TLE4: variants seen among roughly 807,000 people sequenced by gnomAD.
TLE4 encodes TLE family member 4, transcriptional corepressor, also known as transducin-like enhancer protein 4.
In TLE4, 8 loss-of-function variants were observed where a neutral mutation model predicts 92.8. The ratio of observed to expected loss-of-function variants is 0.09; its 90% CI spans 0.05 to 0.16. TLE4 has a LOEUF of 0.16. Ranked by LOEUF, TLE4 falls within the 10% of genes least tolerant of loss-of-function variation. The pLI, the probability that TLE4 is intolerant of heterozygous loss-of-function variation, is 1.00. For missense variants in TLE4, 675 were observed against 997.6 expected, an observed-to-expected ratio of 0.68 and a Z score of 4.36; for synonymous variants, 371 against 374.1, an observed-to-expected ratio of 0.99 and a Z score of 0.10.
At chr9:79,717,390 A>G (rs2074720078) in intron 14 of TLE4, among the ~76,000 whole-genome samples, 2 of 152,142 alleles carry the variant, frequency 1.3e-5, no homozygotes, top group South Asian at 4.1e-4. Context: ...GATTTGATGC[A>G]AGAAATGTCT....
intron 8 of TLE4, among the ~76,000 whole-genome samples, chr9:79,682,923 C>T (rs150706622): frequency 0.024 from 3,637 of 152,314 alleles, 68 homozygotes; most frequent in Non-Finnish European, 0.039. Context: ...TGTAGGAATA[C>T]ACTACATTCT....
intron 8 of TLE4, chr9:79,693,766 T>C: frequency 2.5e-6 from 1 of 403,090 alleles, no homozygotes; most frequent in Non-Finnish European, 4.8e-6. Context: ...CCATATTTAG[T>C]ATTAAATAGC....
At chr9:79,697,483 G>C (rs1195735995) in intron 8 of TLE4, among the ~76,000 whole-genome samples, 1 of 151,918 alleles carries the variant, frequency 6.6e-6, no homozygotes, top group Non-Finnish European at 1.5e-5. Flanking sequence ...ATGCAGACTA[G>C]CTTTCAAGAG....
chr9:79,578,480 A>C (rs1426741028), intron 4 of TLE4, among the ~76,000 whole-genome samples: 1 of 152,214 alleles, frequency 6.6e-6, no homozygotes, highest in Non-Finnish European at 1.5e-5. Flanking sequence ...GGTGGTTGTG[A>C]TGCAGTCATG....
intron 6 of TLE4, among the ~76,000 whole-genome samples, chr9:79,641,507 C>T (rs1284171466): frequency 5.9e-5 from 9 of 152,138 alleles, no homozygotes; most frequent in Non-Finnish European, 1.3e-4. Flanking sequence ...ACCCGACTTC[C>T]CCATTGCTCA....
intron 8 of TLE4, among the ~76,000 whole-genome samples, chr9:79,698,899 G>C (rs1453300196): frequency 6.8e-6 from 1 of 148,048 alleles, no homozygotes; most frequent in African/African-American, 2.5e-5. Flanking sequence ...GTATATCCTG[G>C]TGGTTTCCCT....
intron 6 of TLE4, chr9:79,649,881 T>G (rs1186158715): frequency 2.2e-6 from 3 of 1,352,488 alleles, no homozygotes; most frequent in East Asian, 4.6e-5. Context: ...GGCTGAGGGC[T>G]TTTTGTTGTT....
At chr9:79,629,704 T>C (rs978901273) in intron 6 of TLE4, among the ~76,000 whole-genome samples, 3 of 152,024 alleles carry the variant, frequency 2.0e-5, no homozygotes, top group South Asian at 2.1e-4. Flanking sequence ...TTCTGGAAAA[T>C]AGATTGCAGA....
intron 14 of TLE4, among the ~76,000 whole-genome samples, chr9:79,711,117 T>G (rs114459758): frequency 0.01 from 1,576 of 152,330 alleles, 27 homozygotes; most frequent in African/African-American, 0.035. Context: ...TCTCAGTTCT[T>G]CCTTTTGTAG....
chr9:79,697,713 A>G (rs1349401538), intron 8 of TLE4, among the ~76,000 whole-genome samples: 1 of 152,122 alleles, frequency 6.6e-6, no homozygotes, highest in African/African-American at 2.4e-5. Context: ...TTGATATCTT[A>G]TAAATTATTA....
At chr9:79,653,363 C>T (rs1184601709) in intron 7 of TLE4, among the ~76,000 whole-genome samples, 1 of 152,120 alleles carries the variant, frequency 6.6e-6, no homozygotes, top group Non-Finnish European at 1.5e-5. Context: ...CTAATTTCTT[C>T]CTAGAAGACC....
intron 6 of TLE4, chr9:79,627,664 ACT>A (rs2133551763): frequency 3.5e-6 from 2 of 572,208 alleles, no homozygotes; most frequent in African/African-American, 1.9e-5. Flanking sequence ...GTTCATGAAA[ACT>A]CTCCTCTAAG....
intron 8 of TLE4, among the ~76,000 whole-genome samples, chr9:79,687,434 T>G (rs897851753): frequency 9.9e-5 from 15 of 152,224 alleles, no homozygotes; most frequent in African/African-American, 3.4e-4. Flanking sequence ...CTCAGAGCTT[T>G]TCCTTCTCTA....
Position 79,572,719 on chromosome 9 carries a change from C to G in TLE4, c.-72C>G. 2.0e-6 allele frequency: 3 copies of G among 1,525,064 alleles called. No individual in the cohort carries two copies. The South Asian group carries it at 3.5e-5, about 18-fold the overall frequency. 94.5% of individuals were successfully genotyped at this position (1,525,064 alleles called of 1,614,324 possible). A position where few individuals can be genotyped will look rare whatever the true frequency, so the allele number is the denominator to read the frequency against. ...CCGGCCGCCTCCGCTGCCGCGGCCG[C>G]CTCCTCTTCGGGGTCATTAAAGCCA... On this transcript the variant is annotated 5_prime_UTR_variant, in exon 1 of 20. Transcript: ENST00000376552.
At chr9:79,667,897 A>G (rs140691501) in intron 8 of TLE4, among the ~76,000 whole-genome samples, 1 of 152,360 alleles carries the variant, frequency 6.6e-6, no homozygotes, top group East Asian at 1.9e-4. Flanking sequence ...TTCTCTTTTC[A>G]TCTGCCTTTG....
At chr9:79,677,185 G>A (rs188222672) in intron 8 of TLE4, among the ~76,000 whole-genome samples, 1 of 152,266 alleles carries the variant, frequency 6.6e-6, no homozygotes, top group African/African-American at 2.4e-5. Flanking sequence ...GACAGTGTGT[G>A]TAATTGCAGA....
chr9:79,588,265 A>T (rs2041687280), intron 4 of TLE4, among the ~76,000 whole-genome samples: 1 of 151,584 alleles, frequency 6.6e-6, no homozygotes, highest in African/African-American at 2.4e-5. Context: ...CTCCTGCCTG[A>T]GCCTCCTGAG....
At chr9:79,637,414 C>G (rs888041712) in intron 6 of TLE4, among the ~76,000 whole-genome samples, 2 of 152,182 alleles carry the variant, frequency 1.3e-5, no homozygotes, top group Non-Finnish European at 2.9e-5. Context: ...CAAACTCCAG[C>G]TGACTTCAGA....
intron 8 of TLE4, among the ~76,000 whole-genome samples, chr9:79,699,394 G>T (rs2069139921): frequency 6.6e-6 from 1 of 152,152 alleles, no homozygotes; most frequent in Non-Finnish European, 1.5e-5. Context: ...TTCCTATAGT[G>T]ACTGAACTAT....
Sources: allele counts gnomAD v4.1 joint callset (sites outside exome capture counted in the v4.1 genomes callset), GRCh38; gene constraint gnomAD v4.1.1; transcripts MANE v1.5; gene names NCBI Gene and HGNC (gene_info 2026-07-23, HGNC 2026-07-21).